MACROD1: variants seen among roughly 807,000 people sequenced by gnomAD.
MACROD1 encodes the protein mono-ADP ribosylhydrolase 1, also known as ADP-ribose glycohydrolase MACROD1.
Under a neutral mutation model 41.4 loss-of-function variants are expected in MACROD1, and 31 were observed. The observed-to-expected ratio is 0.75, with a 90% CI of 0.56 to 1.01. The LOEUF (loss-of-function observed/expected upper bound fraction) is 1.01, where lower values mean the gene tolerates loss of function less well. Among genes scored for constraint, MACROD1 ranks in the 50% least tolerant of loss-of-function variants. The pLI is 0.00. For missense variants in MACROD1, 473 were observed against 460.0 expected, an observed-to-expected ratio of 1.03 and a Z score of -0.26; for synonymous variants, 252 against 203.4, an observed-to-expected ratio of 1.24 and a Z score of -2.03.
intron 3 of MACROD1, among the ~76,000 whole-genome samples, chr11:64,091,933 G>A (rs1434162864): frequency 6.6e-6 from 1 of 152,174 alleles, no homozygotes; most frequent in African/African-American, 2.4e-5. Flanking sequence ...CTCTGGGGCT[G>A]CAGGAAGCAT....
At chr11:64,091,920 T>A (rs976288404) in intron 3 of MACROD1, among the ~76,000 whole-genome samples, 3 of 152,106 alleles carry the variant, frequency 2.0e-5, no homozygotes, top group Non-Finnish European at 4.4e-5. Context: ...TCCCGAGGCC[T>A]CTCTCTGGGG....
intron 1 of MACROD1, among the ~76,000 whole-genome samples, chr11:64,164,673 G>A (rs370825066): frequency 7.2e-5 from 11 of 152,288 alleles, no homozygotes; most frequent in African/African-American, 1.7e-4. Flanking sequence ...CTCTGGTCCC[G>A]AGAAAGCCAT....
At chr11:64,021,449 G>A (rs1481998928) in intron 3 of MACROD1, among the ~76,000 whole-genome samples, 2 of 152,222 alleles carry the variant, frequency 1.3e-5, no homozygotes, top group Admixed American at 6.5e-5. Context: ...TGTGGGGGCC[G>A]GGACATCAGA....
Position 64,160,814 on chromosome 11 carries a change from T to TAAA in MACROD1, c.298+4880_298+4882dup, listed in dbSNP as rs34275911. On this transcript the variant is annotated intron_variant, in intron 1 of 10. Coordinates refer to ENST00000255681, the MANE Select transcript of MACROD1 (RefSeq NM_014067.4). ...CTGGGCAACAGAATGAGACCATATC[T>TAAA]AAAAAAAAAAAAAAAAAAAATGTTC... Among the ~76,000 whole-genome samples the TAAA allele has an allele frequency of 5.1e-3, 568 of 111,054 alleles. 6 individuals carry two copies. The highest frequency in any genetic ancestry group is 8.6e-3 in the Non-Finnish European group (470 of 54,822). The allele number at this position is 111,054 out of a possible 152,430, so 72.9% of individuals were successfully genotyped here. A position where few individuals can be genotyped will look rare whatever the true frequency, so the allele number is the denominator to read the frequency against.
chr11:64,151,445 C>T (rs935638915), intron 2 of MACROD1, 90 bp from the exon 3 acceptor site: 10 of 905,208 alleles, frequency 1.1e-5, no homozygotes, highest in African/African-American at 1.6e-5. Context: ...CCTTCCCTAT[C>T]GACCTCCCTC....
chr11:64,059,829 G>C, intron 3 of MACROD1, among the ~76,000 whole-genome samples: 1 of 152,356 alleles, frequency 6.6e-6, no homozygotes, highest in East Asian at 1.9e-4. Context: ...GACCCCGAGA[G>C]GCCCGCCCCT....
intron 3 of MACROD1, among the ~76,000 whole-genome samples, chr11:64,105,055 G>A (rs893822352): frequency 6.6e-6 from 1 of 152,242 alleles, no homozygotes; most frequent in Non-Finnish European, 1.5e-5. Context: ...TGGGACATTC[G>A]TCAGCACGGC....
Position 63,998,628 on chromosome 11 carries a change from A to G in MACROD1, c.*90T>C. The G allele has an allele frequency of 7.7e-7, 1 of 1,297,138 alleles. No individual in the cohort carries two copies. Among genetic ancestry groups the G allele is most frequent in the Non-Finnish European group, 9.8e-7 (1 of 1,025,252 alleles). 80.4% of individuals were successfully genotyped at this position (1,297,138 alleles called of 1,614,324 possible). A position where few individuals can be genotyped will look rare whatever the true frequency, so the allele number is the denominator to read the frequency against. On this transcript the variant is annotated 3_prime_UTR_variant, in exon 11 of 11. Transcript: ENST00000255681. Reference sequence around the variant, plus strand: ...AGGGAAAGAAGGGGTGGCCAGGCCCAGGCCAGGCTGCAGGCTTTGGCGACC... The same window carrying G: ...AGGGAAAGAAGGGGTGGCCAGGCCCGGGCCAGGCTGCAGGCTTTGGCGACC...
At chr11:64,125,328 G>A (rs1355672371) in intron 3 of MACROD1, among the ~76,000 whole-genome samples, 4 of 152,202 alleles carry the variant, frequency 2.6e-5, no homozygotes, top group African/African-American at 9.7e-5. Flanking sequence ...GGTCTTTGCT[G>A]CCACAGCCCT....
At chr11:64,144,609 G>C (rs943723858) in intron 3 of MACROD1, among the ~76,000 whole-genome samples, 2 of 151,896 alleles carry the variant, frequency 1.3e-5, no homozygotes, top group African/African-American at 2.4e-5. Context: ...TGGCTTCCCC[G>C]AGGAGGAGGG....
At position 64,122,805 on chromosome 11, in the gene MACROD1, G is replaced by A. The variant is rs2134638188; in HGVS notation, c.517+28434C>T. ...GGTGAGGGATCCCTGAAGGGTTGGA[G>A]GGGCTGGTCAGGGCCTGAGCAGAGG... On this transcript the variant is annotated intron_variant, in intron 3 of 10. Coordinates refer to ENST00000255681, the MANE Select transcript of MACROD1 (RefSeq NM_014067.4). The surrounding 1 kb of genome is among the most constrained non-coding windows in gnomAD (Gnocchi z 4.0). 6.6e-6 allele frequency among the ~76,000 whole-genome samples: 1 copy of A among 152,296 alleles called. No individual in the cohort carries two copies. The highest frequency in any genetic ancestry group is 1.9e-4 in the East Asian group (1 of 5,178).
intron 3 of MACROD1, among the ~76,000 whole-genome samples, chr11:64,084,009 C>CCTAA (rs10652566): frequency 0.88 from 134,101 of 152,024 alleles, 59,813 homozygotes; most frequent in South Asian, 0.98. Flanking sequence ...TGGGTTCCGG[C>CCTAA]CTTTCACTGG....
At chr11:64,012,998 T>A (rs1943035670) in intron 4 of MACROD1, among the ~76,000 whole-genome samples, 1 of 152,040 alleles carries the variant, frequency 6.6e-6, no homozygotes, top group Non-Finnish European at 1.5e-5. Context: ...GCATGGTTAG[T>A]TGATTTTTTT....
At chr11:64,130,462 G>A (rs1313540471) in intron 3 of MACROD1, among the ~76,000 whole-genome samples, 2 of 152,118 alleles carry the variant, frequency 1.3e-5, no homozygotes, top group East Asian at 3.9e-4. Flanking sequence ...GGGGTCTCTG[G>A]CCTCACCGAG....
chr11:64,025,857 C>T (rs1167000558), intron 3 of MACROD1, among the ~76,000 whole-genome samples: 1 of 151,704 alleles, frequency 6.6e-6, no homozygotes, highest in Non-Finnish European at 1.5e-5. Context: ...GTAGCTAGGA[C>T]TACAGGCACA....
intron 3 of MACROD1, among the ~76,000 whole-genome samples, chr11:64,139,949 C>CA (rs1361656637): frequency 2.8e-5 from 3 of 108,264 alleles, no homozygotes; most frequent in East Asian, 5.2e-4. Flanking sequence ...GAGCGAGACT[C>CA]AGTCTCAAAA....
chr11:64,092,626 G>A (rs770420587), intron 3 of MACROD1, among the ~76,000 whole-genome samples: 1 of 152,248 alleles, frequency 6.6e-6, no homozygotes, highest in Non-Finnish European at 1.5e-5. Context: ...CTCACTTGCT[G>A]CAGGCACGTG....
intron 3 of MACROD1, among the ~76,000 whole-genome samples, chr11:64,112,105 TCA>T (rs1306752340): frequency 6.6e-6 from 1 of 152,220 alleles, no homozygotes; most frequent in Non-Finnish European, 1.5e-5. Context: ...AACGAGTCCA[TCA>T]CAGTTTCTCC....
At chr11:64,019,761 C>T (rs1057118218) in intron 3 of MACROD1, among the ~76,000 whole-genome samples, 3 of 152,218 alleles carry the variant, frequency 2.0e-5, no homozygotes, top group East Asian at 1.9e-4. Flanking sequence ...AGAGCTGCCC[C>T]GGGCGTGCTA....
Sources: allele counts gnomAD v4.1 joint callset (sites outside exome capture counted in the v4.1 genomes callset), GRCh38; gene constraint gnomAD v4.1.1; non-coding constraint Gnocchi (gnomAD v3.1); transcripts MANE v1.5; gene names NCBI Gene and HGNC (gene_info 2026-07-23, HGNC 2026-07-21).